The following AGAP1 variants were observed in gnomAD, a reference collection of about 807,000 sequenced individuals.
AGAP1 encodes arf-GAP with GTPase, ANK repeat and PH domain-containing protein 1.
A neutral mutation model predicts 105.3 loss-of-function variants in AGAP1; 29 were observed. The observed-to-expected ratio is 0.28, with a 90% CI of 0.21 to 0.38. The LOEUF is 0.38. Ranked by LOEUF, AGAP1 falls within the 10% of genes least tolerant of loss-of-function variation. The probability of loss-of-function intolerance (pLI) is 1.00; values close to 1 mark genes in which losing one functional copy is unlikely to be tolerated. For synonymous variants in AGAP1, 509 were observed against 485.9 expected, an observed-to-expected ratio of 1.05 and a Z score of -0.63; for missense variants, 998 against 1,165.1, an observed-to-expected ratio of 0.86 and a Z score of 2.09.
rs1440800991 is a variant in AGAP1, at chr2:236,109,489, G to A, written c.2115-10703G>A. On this transcript the variant is annotated intron_variant, in intron 16 of 17. Coordinates refer to ENST00000304032, the MANE Select transcript of AGAP1 (RefSeq NM_001037131.3). The surrounding 1 kb of genome is among the most constrained non-coding windows in gnomAD (Gnocchi z 5.4). ...AAGAGGAGGAAGGAAAAACTGAGAT[G>A]ATCTAGATCCGTGCATCCTCTGTAA... 6.6e-6 allele frequency among the ~76,000 whole-genome samples: 1 copy of A among 152,334 alleles called. No homozygotes were observed. Among genetic ancestry groups the A allele is most frequent in the South Asian group, 2.1e-4 (1 of 4,832 alleles).
chr2:235,947,617 G>A (rs1335959834), intron 12 of AGAP1, among the ~76,000 whole-genome samples: 1 of 152,152 alleles, frequency 6.6e-6, no homozygotes, highest in Non-Finnish European at 1.5e-5. Context: ...CTGGATCAAT[G>A]TTCTGATCTG....
chr2:235,504,101 C>G (rs988664464), intron 1 of AGAP1, among the ~76,000 whole-genome samples: 7 of 152,096 alleles, frequency 4.6e-5, no homozygotes, highest in Admixed American at 4.6e-4. Context: ...CTTGGCCTCC[C>G]TAAGTCTTAG....
intron 12 of AGAP1, among the ~76,000 whole-genome samples, chr2:235,942,209 G>C (rs1039244381): frequency 6.6e-6 from 1 of 152,198 alleles, no homozygotes; most frequent in Non-Finnish European, 1.5e-5. Flanking sequence ...TTAATCGAGA[G>C]CAGAGTGGGC....
In AGAP1 at chr2:235,714,528, A is replaced by G. The variant is rs539468149; in HGVS notation, c.223-3029A>G. On this transcript the variant is annotated intron_variant, in intron 2 of 17. Transcript: ENST00000304032. The surrounding 1 kb of genome is among the most constrained non-coding windows in gnomAD (Gnocchi z 4.1). ...GATGGGGCTTGGTAGCTGATTGACT[A>G]GAAGGCCAAGCAGGGAGCGGGCAGA... Among the ~76,000 whole-genome samples the G allele has an allele frequency of 4.6e-5, 7 of 151,826 alleles. No homozygotes were observed. The highest frequency in any genetic ancestry group is 1.0e-4 in the Non-Finnish European group (7 of 67,982).
In AGAP1 at chr2:236,076,212, G is replaced by A. The variant is rs1044918236; in HGVS notation, c.2114+26931G>A. The stretch of plus-strand genomic sequence containing the variant: ...TGCCTGTAATCCCAGCACTTTGAGA[G>A]GCCAAAGTGGGTGGATCACTTGAGG... On this transcript the variant is annotated intron_variant, in intron 16 of 17. Transcript: ENST00000304032. This position sits in a 1 kb window ranked among gnomAD's most constrained non-coding sequence, Gnocchi z 4.4. Among the ~76,000 whole-genome samples, 11 of 152,322 alleles carry A rather than the reference G, an allele frequency of 7.2e-5. No individual in the cohort carries two copies. The highest frequency in any genetic ancestry group is 2.6e-4 in the African/African-American group (11 of 41,568).
intron 1 of AGAP1, among the ~76,000 whole-genome samples, chr2:235,707,907 C>A (rs1055004380): frequency 1.3e-5 from 2 of 149,504 alleles, no homozygotes; most frequent in Admixed American, 1.3e-4. Context: ...CACTCCCCAG[C>A]CTGTGACCTG....
intron 10 of AGAP1, among the ~76,000 whole-genome samples, chr2:235,885,771 G>T (rs1164004095): frequency 6.6e-6 from 1 of 152,184 alleles, no homozygotes; most frequent in African/African-American, 2.4e-5. Flanking sequence ...TCTTCCGTCG[G>T]CATCTCTCAC....
chr2:235,748,106 G>T (rs1011310639), intron 5 of AGAP1, among the ~76,000 whole-genome samples: 1 of 152,238 alleles, frequency 6.6e-6, no homozygotes, highest in Non-Finnish European at 1.5e-5. Context: ...TGAGGGAGAA[G>T]CACGATCTGT....
chr2:235,832,162 C>T (rs1242997923), intron 9 of AGAP1, among the ~76,000 whole-genome samples: 1 of 152,096 alleles, frequency 6.6e-6, no homozygotes, highest in East Asian at 1.9e-4. Flanking sequence ...GAGTTGTTCA[C>T]TTTCTTATTG....
intron 1 of AGAP1, among the ~76,000 whole-genome samples, chr2:235,676,923 G>A (rs970451529): frequency 3.9e-5 from 6 of 152,036 alleles, no homozygotes; most frequent in South Asian, 2.1e-4. Context: ...TAAGGTCAAC[G>A]GATTAGCAAA....
rs150165634 is a variant in AGAP1 at position 235,739,359 on chromosome 2, G to A, written c.311-1604G>A. On this transcript the variant is annotated intron_variant, in intron 3 of 17. Coordinates refer to ENST00000304032, the MANE Select transcript of AGAP1 (RefSeq NM_001037131.3). This position sits in a 1 kb window ranked among gnomAD's most constrained non-coding sequence, Gnocchi z 5.3. ...AGAAAAGCATTTCTTTTTTGCCTAC[G>A]AGGACTCTCGATTCAGGGACCCTGA... Among the ~76,000 whole-genome samples the A allele has an allele frequency of 8.8e-4, 134 of 152,174 alleles. 3 individuals are homozygous for A. The East Asian group carries it at 0.02, about 23-fold the overall frequency.
chr2:235,640,745 T>C (rs961353943), intron 1 of AGAP1, among the ~76,000 whole-genome samples: 1 of 152,204 alleles, frequency 6.6e-6, no homozygotes, highest in African/African-American at 2.4e-5. Flanking sequence ...TAAAGAATAG[T>C]CTAGGCAGGC....
rs1375849961 is a variant in AGAP1, at chr2:235,787,595, C to A, written c.674-10164C>A. 6.6e-6 allele frequency among the ~76,000 whole-genome samples: 1 copy of A among 152,206 alleles called. No homozygotes were observed. Among genetic ancestry groups the A allele is most frequent in the East Asian group, 1.9e-4 (1 of 5,196 alleles). On this transcript the variant is annotated intron_variant, in intron 6 of 17. Transcript: ENST00000304032. This position sits in a 1 kb window ranked among gnomAD's most constrained non-coding sequence, Gnocchi z 4.4. ...GGCAGATTTGTCTGGATTTCACAAT[C>A]TCCCACATCTAGCAAATTGCCTGGC...
rs1238966496 is a variant in AGAP1, at chr2:236,003,282, T to A, written c.1646-33279T>A. Among the ~76,000 whole-genome samples the A allele has an allele frequency of 6.6e-6, 1 of 152,098 alleles. No individual in the cohort carries two copies. The highest frequency in any genetic ancestry group is 1.9e-4 in the East Asian group (1 of 5,188). On this transcript the variant is annotated intron_variant, in intron 13 of 17. Transcript: ENST00000304032. The surrounding 1 kb of genome is among the most constrained non-coding windows in gnomAD (Gnocchi z 4.2). ...CTGGTCTCGAACTCCTGGCCTCAGGTGATCTGCCTGCCTCAGCCTCCCAGA... is the reference window on the plus strand; with the variant it reads ...CTGGTCTCGAACTCCTGGCCTCAGGAGATCTGCCTGCCTCAGCCTCCCAGA...
rs1299374972 is a variant in AGAP1 at position 235,882,066 on chromosome 2, T to G, written c.1051-1279T>G. ...TTTTTTTGTGGTTTTTGTTTTGTTT[T>G]GTTTTGGTGGGTTTTTTTGTGTTTG... On this transcript the variant is annotated intron_variant, in intron 9 of 17. Transcript: ENST00000304032. This position sits in a 1 kb window ranked among gnomAD's most constrained non-coding sequence, Gnocchi z 4.6. 2.0e-5 allele frequency among the ~76,000 whole-genome samples: 3 copies of G among 152,184 alleles called. No individual in the cohort carries two copies. Among genetic ancestry groups the G allele is most frequent in the Non-Finnish European group, 4.4e-5 (3 of 68,032 alleles).
intron 1 of AGAP1, among the ~76,000 whole-genome samples, chr2:235,498,003 A>G (rs2148994863): frequency 6.6e-6 from 1 of 152,208 alleles, no homozygotes; most frequent in African/African-American, 2.4e-5. Context: ...GTTTTCTGGC[A>G]TCTTCAGGAA....
In AGAP1 at chr2:235,799,553, T is replaced by G. The variant is rs1180237667; in HGVS notation, c.957+31T>G. 2 of 1,609,102 alleles carry G rather than the reference T, an allele frequency of 1.2e-6. No homozygotes were observed. ...TGTCAACCCTGGGTGGAGATTTGAA[T>G]GCGATTCCGAAGCGTTCCCATTAAC... is the stretch of plus-strand genomic sequence containing the variant. On this transcript the variant is annotated intron_variant, in intron 8 of 17. Coordinates refer to ENST00000304032, the MANE Select transcript of AGAP1 (RefSeq NM_001037131.3). The surrounding 1 kb of genome is among the most constrained non-coding windows in gnomAD (Gnocchi z 5.0).
chr2:236,034,454 C>T (rs1199896832), intron 13 of AGAP1, among the ~76,000 whole-genome samples: 3 of 151,954 alleles, frequency 2.0e-5, no homozygotes, highest in Non-Finnish European at 2.9e-5. Context: ...ACACAGGTGG[C>T]GGGGGTGGGG....
intron 12 of AGAP1, among the ~76,000 whole-genome samples, chr2:235,938,683 T>G (rs962752606): frequency 6.6e-6 from 1 of 152,004 alleles, no homozygotes; most frequent in Middle Eastern, 3.4e-3. Flanking sequence ...ACGAGAGAGG[T>G]TCTGAATGTC....
Sources: gnomAD v4.1 joint callset for allele counts (sites outside exome capture counted in the v4.1 genomes callset) on GRCh38, gnomAD v4.1.1 for gene constraint, Gnocchi (gnomAD v3.1) non-coding constraint, MANE v1.5 for transcripts, NCBI Gene and HGNC (gene_info 2026-07-23, HGNC 2026-07-21) for gene names.